RPL7A: variants seen among roughly 807,000 people sequenced by gnomAD.
The protein encoded by RPL7A is large ribosomal subunit protein eL8.
For synonymous variants in RPL7A, 158 were observed against 128.2 expected (o/e 1.23, Z -1.57); for missense variants, 291 against 338.2 (o/e 0.86, Z 1.09).
intron 1 of RPL7A, 67 bp from the exon 2 acceptor site, chr9:133,348,855 G>C (rs1479941212): frequency 1.2e-6 from 2 of 1,612,456 alleles, no homozygotes; most frequent in Non-Finnish European, 1.7e-6. Context: ...GGAGGAGCCA[G>C]CCTGAGCCCT....
rs2129982835 is a variant in RPL7A at position 133,349,038 on chromosome 9, C to A, written c.120C>A (p.Gly40=). The change falls in exon 2 of 8, where the codon GGC becomes GGA. Residue 40 remains glycine, a synonymous_variant. Coordinates refer to ENST00000323345, the MANE Select transcript of RPL7A (RefSeq NM_000972.3). ...TTGAGAAAAGGCCTAAGAATTTTGG[C>A]ATTGGTAAGTAACAAACGGCAGAAT... The part of the protein sequence containing the change: ...PLFEKRPKNF[G]IGQDIQPKRD... 6.2e-7 allele frequency: 1 copy of A among 1,613,656 alleles called. No homozygotes were observed. The highest frequency in any genetic ancestry group is 1.1e-5 in the South Asian group (1 of 91,046).
chr9:133,348,865 T>C (rs2129981620), intron 1 of RPL7A, 57 bp from the exon 2 acceptor site: 2 of 1,612,858 alleles, frequency 1.2e-6, no homozygotes, highest in South Asian at 1.1e-5. Context: ...GCCTGAGCCC[T>C]ACCCCCGACG....
At chr9:133,349,180 G>A (rs1480129543) in intron 2 of RPL7A, 138 bp downstream of exon 2, 4 of 1,035,010 alleles carry the variant, frequency 3.9e-6, no homozygotes, top group African/African-American at 3.2e-5. Context: ...AGAGACGGGG[G>A]CAATGATACA....
intron 7 of RPL7A, 44 bp downstream of exon 7, chr9:133,351,115 TTCTC>T (rs2129998231): frequency 6.3e-7 from 1 of 1,596,170 alleles, no homozygotes; most frequent in Non-Finnish European, 8.6e-7. Context: ...TCACAAATCT[TTCTC>T]CCAAATAACT....
In RPL7A at chr9:133,349,121, T is replaced by C. The variant is rs1002764919; in HGVS notation, c.124+79T>C. On this transcript the variant is annotated intron_variant, in intron 2 of 7. Transcript: ENST00000323345. ...GGTAATTGGGTTGTGTTGTATCTTG[T>C]AGGTTTTAGTGGGTGTAAAGTGGTC... The C allele has an allele frequency of 3.2e-6, 5 of 1,547,206 alleles. No homozygotes were observed. The Admixed American group carries it at 7.1e-5, about 22-fold the overall frequency.
intron 5 of RPL7A, 131 bp from the exon 6 acceptor site, chr9:133,350,466 G>A: frequency 2.0e-6 from 3 of 1,532,402 alleles, no homozygotes; most frequent in Non-Finnish European, 2.7e-6. Flanking sequence ...TTGCAATGAT[G>A]TGAATCTCTC....
At chr9:133,350,816 T>C (rs2129996306) in intron 6 of RPL7A, 89 bp downstream of exon 6, 10 of 1,585,208 alleles carry the variant, frequency 6.3e-6, no homozygotes, top group Admixed American at 5.0e-5. Context: ...GGCCAATCTT[T>C]TAGTTTAAGA....
rs1450308444 is a variant in RPL7A, at chr9:133,349,696, A to T, written c.270A>T (p.Gln90His). 11 of 1,613,812 alleles carry T rather than the reference A, an allele frequency of 6.8e-6. No individual in the cohort carries two copies. The highest frequency in any genetic ancestry group is 9.3e-6 in the Non-Finnish European group (11 of 1,179,906). Residue 90 changes from glutamine (Q) to histidine (H), a missense_variant, in exon 3 of 8, where the codon CAA (glutamine) becomes CAT (histidine). Gln to His is a conservative substitution (Grantham distance 24). Transcript: ENST00000323345. The stretch of plus-strand genomic sequence containing the variant: ...AGTTCACCCAGGCCCTGGACCGCCA[A>T]ACAGGTGAGGTTCTGTGGCGTGGAA... Reference protein sequence around the residue: ...INQFTQALDRQTATQLLKLAH... With the variant: ...INQFTQALDRHTATQLLKLAH...
At chr9:133,350,127 T>TA (rs894146050) in intron 4 of RPL7A, 75 bp downstream of exon 4, 1 of 1,613,520 alleles carries the variant, frequency 6.2e-7, no homozygotes, top group Non-Finnish European at 8.5e-7. Context: ...GGCCTGAAAT[T>TA]ACTGTGAAGA....
chr9:133,350,847 T>G, intron 6 of RPL7A, 120 bp downstream of exon 6: 1 of 1,547,772 alleles, frequency 6.5e-7, no homozygotes, highest in South Asian at 1.1e-5. Context: ...TCTGAACTTT[T>G]GCCAATGATG....
chr9:133,350,634 G>A lies in RPL7A; in HGVS notation c.533G>A (p.Gly178Glu). The A allele has an allele frequency of 6.2e-7, 1 of 1,614,000 alleles. No individual in the cohort carries two copies. Among genetic ancestry groups the A allele is most frequent in the Non-Finnish European group, 8.5e-7 (1 of 1,179,950 alleles). ...TTGCCTGCCCTGTGTCGTAAAATGGGGGTCCCTTACTGCATTATCAAGGGA... is the reference window on the plus strand; with the variant it reads ...TTGCCTGCCCTGTGTCGTAAAATGGAGGTCCCTTACTGCATTATCAAGGGA... ...VFLPALCRKM[G>E]VPYCIIKGKA... The change falls in exon 6 of 8, where the codon GGG becomes GAG. Residue 178 changes from glycine (G) to glutamate (E), a missense_variant. Coordinates refer to ENST00000323345, the MANE Select transcript of RPL7A (RefSeq NM_000972.3).
At position 133,351,056 on chromosome 9, in the gene RPL7A, T is replaced by C. The variant is rs2129997862; in HGVS notation, c.681T>C (p.Asn227=). The C allele has an allele frequency of 6.2e-7, 1 of 1,614,068 alleles. No homozygotes were observed. Among genetic ancestry groups the C allele is most frequent in the South Asian group, 1.1e-5 (1 of 91,066 alleles). ...KLVEAIRTNY[N]DRYDEIRRHW... is the part of the protein sequence containing the mutation. ...TGGAAGCTATCAGGACCAATTACAA[T>C]GACAGATACGATGAGGTAAGAGGCA... Residue 227 remains asparagine (N), a synonymous_variant, in exon 7 of 8, where the codon AAT becomes AAC. Coordinates refer to ENST00000323345, the MANE Select transcript of RPL7A (RefSeq NM_000972.3).
intron 3 of RPL7A, 55 bp from the exon 4 acceptor site, chr9:133,349,857 A>C: frequency 6.3e-7 from 1 of 1,598,630 alleles, no homozygotes; most frequent in East Asian, 2.2e-5. Flanking sequence ...TTAAGTGTTA[A>C]GTGACAAGGA....
intron 1 of RPL7A, chr9:133,348,695 C>G (rs2129979961): frequency 1.4e-6 from 1 of 732,620 alleles, no homozygotes; most frequent in Non-Finnish European, 2.5e-6. Flanking sequence ...TGGTCTCGGG[C>G]TTAGCCTTGC....
chr9:133,350,435 G>T, intron 5 of RPL7A, 116 bp downstream of exon 5: 1 of 1,493,570 alleles, frequency 6.7e-7, no homozygotes, highest in African/African-American at 1.4e-5. Context: ...TACTGACACA[G>T]ATCCAACACA....
At chr9:133,350,976 C>T in intron 6 of RPL7A, 26 bp from the exon 7 acceptor site, 3 of 1,613,478 alleles carry the variant, frequency 1.9e-6, no homozygotes, top group Admixed American at 1.7e-5. Flanking sequence ...AAAAAACCCA[C>T]TTTTGTTTCC....
chr9:133,348,681 A>G, intron 1 of RPL7A: 1 of 709,116 alleles, frequency 1.4e-6, no homozygotes, highest in Non-Finnish European at 2.6e-6. Context: ...ACGCGAAGAG[A>G]GCGTGGTCTC....
Position 133,349,681 on chromosome 9 carries a change from G to A in RPL7A, c.255G>A (p.Gln85=), listed in dbSNP as rs2129987898. 16 of 1,614,018 alleles carry A rather than the reference G, an allele frequency of 9.9e-6. No individual in the cohort carries two copies. In the South Asian group the frequency reaches 1.4e-4, roughly 14 times the overall value. Reference sequence around the variant, plus strand: ...CTCCTGCGATTAACCAGTTCACCCAGGCCCTGGACCGCCAAACAGGTGAGG... The same window carrying A: ...CTCCTGCGATTAACCAGTTCACCCAAGCCCTGGACCGCCAAACAGGTGAGG... ...KVPPAINQFT[Q]ALDRQTATQL... is the part of the protein sequence containing the mutation. Residue 85 remains glutamine, a synonymous_variant, in exon 3 of 8, where the codon CAG becomes CAA. Transcript: ENST00000323345.
At chr9:133,350,106 T>C in intron 4 of RPL7A, 54 bp downstream of exon 4, 2 of 1,613,878 alleles carry the variant, frequency 1.2e-6, no homozygotes, top group East Asian at 2.2e-5. Flanking sequence ...TGCAGTGATG[T>C]AAAATTTCTT....
Sources: allele counts gnomAD v4.1 joint callset, GRCh38; gene constraint gnomAD v4.1.1; transcripts MANE v1.5; gene names NCBI Gene and HGNC (gene_info 2026-07-23, HGNC 2026-07-21).